The following PCDHGB4 variants were observed in gnomAD, a reference collection of about 807,000 sequenced individuals.
PCDHGB4 encodes protocadherin gamma subfamily B, 4, also known as protocadherin gamma-B4.
In PCDHGB4, 38 loss-of-function variants were observed where a neutral mutation model predicts 60.5. That is an observed-to-expected ratio of 0.63 (90% confidence interval 0.48 to 0.82). The LOEUF is 0.82. PCDHGB4 is among the 40% of genes least tolerant of loss of function. The pLI is 0.00. For missense variants in PCDHGB4, 1,109 were observed against 1,209.6 expected (o/e 0.92, Z 1.23); for synonymous variants, 456 against 509.7 (o/e 0.89, Z 1.42).
intron 2 of PCDHGB4, among the ~76,000 whole-genome samples, chr5:141,495,720 G>A (rs1048453188): frequency 2.6e-5 from 4 of 152,080 alleles, no homozygotes; most frequent in Non-Finnish European, 5.9e-5. Context: ...GTAACTACAC[G>A]GGACCCTTAG....
intron 1 of PCDHGB4, chr5:141,427,231 G>A (rs1561827383): frequency 2.2e-6 from 1 of 456,612 alleles, no homozygotes; most frequent in African/African-American, 2.0e-5. Flanking sequence ...TATACCATGA[G>A]AGTAGAAGCT....
At chr5:141,482,074 A>G (rs1349748840) in intron 1 of PCDHGB4, among the ~76,000 whole-genome samples, 2 of 142,830 alleles carry the variant, frequency 1.4e-5, no homozygotes, top group Non-Finnish European at 3.0e-5. Context: ...AACAAGAACA[A>G]AACTCACTCC....
chr5:141,464,200 G>C (rs1331779739), intron 1 of PCDHGB4, among the ~76,000 whole-genome samples: 1 of 149,856 alleles, frequency 6.7e-6, no homozygotes, highest in Non-Finnish European at 1.5e-5. Flanking sequence ...AGGAGGCGGA[G>C]ATTGCAGTGA....
intron 1 of PCDHGB4, among the ~76,000 whole-genome samples, chr5:141,467,954 C>T (rs1467826790): frequency 1.3e-5 from 2 of 152,070 alleles, no homozygotes; most frequent in Admixed American, 6.6e-5. Flanking sequence ...CCACCACACC[C>T]GGCTGCCAGA....
intron 1 of PCDHGB4, among the ~76,000 whole-genome samples, chr5:141,446,325 T>G (rs1440954528): frequency 3.9e-5 from 6 of 152,124 alleles, no homozygotes; most frequent in African/African-American, 1.4e-4. Flanking sequence ...GTTTCCACAT[T>G]AAGGAACTGG....
chr5:141,399,608 C>T (rs767025311), intron 1 of PCDHGB4: 3 of 1,613,962 alleles, frequency 1.9e-6, no homozygotes, highest in Non-Finnish European at 2.5e-6. Flanking sequence ...GACCTAGAGC[C>T]TCTGGCACTG....
At chr5:141,497,956 C>T (rs2099780659) in intron 2 of PCDHGB4, among the ~76,000 whole-genome samples, 1 of 152,214 alleles carries the variant, frequency 6.6e-6, no homozygotes, top group African/African-American at 2.4e-5. Flanking sequence ...TTCTGTTGGC[C>T]AGGCAGTGTT....
Position 141,400,379 on chromosome 5 carries a change from G to C in PCDHGB4, c.2397+10098G>C, listed in dbSNP as rs759135733. 3 of 1,613,922 alleles carry C rather than the reference G, an allele frequency of 1.9e-6. No homozygotes were observed. The East Asian group carries it at 6.7e-5, about 36-fold the overall frequency. ...ACTTTGCCTTATTCCTACAACCTAT[G>C]TGTTGCACATACAGGAAAGACGGAG... On this transcript the variant is annotated intron_variant, in intron 1 of 3. Coordinates refer to ENST00000519479, the MANE Select transcript of PCDHGB4 (RefSeq NM_003736.4).
chr5:141,418,996 TG>T (rs745777250), intron 1 of PCDHGB4: 13 of 1,613,756 alleles, frequency 8.1e-6, no homozygotes, highest in Non-Finnish European at 1.1e-5. Flanking sequence ...CAGGGGAAAA[TG>T]GGGAAGTCAG....
At position 141,390,092 on chromosome 5, in the gene PCDHGB4, G is replaced by A. The variant is rs1469999630; in HGVS notation, c.2208G>A (p.Val736=). The A allele has an allele frequency of 1.9e-6, 3 of 1,613,918 alleles. No homozygotes were observed. The highest frequency in any genetic ancestry group is 2.7e-5 in the African/African-American group (2 of 74,932). Residue 736 remains valine (V), a synonymous_variant, in exon 1 of 4, where the codon GTG becomes GTA. Coordinates refer to ENST00000519479, the MANE Select transcript of PCDHGB4 (RefSeq NM_003736.4). ...GTCTCTGTGTTAAATCCGAATCCGT[G>A]GTTCCCCCCAACTACAGCGAGGGGA... ...QPGLCVKSES[V]VPPNYSEGTL... is the part of the protein sequence containing the mutation.
intron 1 of PCDHGB4, among the ~76,000 whole-genome samples, chr5:141,462,897 G>A (rs2099049236): frequency 6.6e-6 from 1 of 152,130 alleles, no homozygotes; most frequent in South Asian, 2.1e-4. Context: ...TGTTTTGGAA[G>A]GCTATTATGT....
intron 1 of PCDHGB4, chr5:141,414,643 C>G (rs765652709): frequency 1.2e-6 from 2 of 1,613,942 alleles, no homozygotes; most frequent in Non-Finnish European, 8.5e-7. Flanking sequence ...AGAGAATGCC[C>G]AGATTATTTA....
intron 1 of PCDHGB4, chr5:141,422,019 G>C: frequency 6.2e-7 from 1 of 1,610,862 alleles, no homozygotes; most frequent in Non-Finnish European, 8.5e-7. Context: ...GGGTGCTGAT[G>C]GTTAATGCAA....
Position 141,490,896 on chromosome 5 carries a change from G to A in PCDHGB4, c.2398-3911G>A. 6.2e-7 allele frequency: 1 copy of A among 1,613,938 alleles called. No homozygotes were observed. Among genetic ancestry groups the A allele is most frequent in the Non-Finnish European group, 8.5e-7 (1 of 1,179,922 alleles). ...TGCATGCCAACACATCTCTGCATGTGTTTGTCCTAGACGAGAATGATAATG... is the reference window on the plus strand; with the variant it reads ...TGCATGCCAACACATCTCTGCATGTATTTGTCCTAGACGAGAATGATAATG... On this transcript the variant is annotated intron_variant, in intron 1 of 3. Coordinates refer to ENST00000519479, the MANE Select transcript of PCDHGB4 (RefSeq NM_003736.4). This position sits in a 1 kb window ranked among gnomAD's most constrained non-coding sequence, Gnocchi z 5.4.
intron 1 of PCDHGB4, chr5:141,410,801 A>G (rs2095424401): frequency 3.4e-6 from 2 of 587,942 alleles, no homozygotes; most frequent in Admixed American, 4.2e-5. Context: ...AAGTTGCTCT[A>G]TCTTTTTGTA....
At position 141,388,351 on chromosome 5, in the gene PCDHGB4, C is replaced by A; in HGVS notation, c.467C>A (p.Ser156Tyr). 6.2e-7 allele frequency: 1 copy of A among 1,614,016 alleles called. No homozygotes were observed. Residue 156 changes from serine (S) to tyrosine (Y), a missense_variant, in exon 1 of 4, where the codon TCT (serine) becomes TAT (tyrosine). Coordinates refer to ENST00000519479, the MANE Select transcript of PCDHGB4 (RefSeq NM_003736.4). ...AQPGTRFILG[S>Y]AHDADIGSNT... is the part of the protein sequence containing the mutation. ...CCTGGCACACGATTTATATTAGGAT[C>A]TGCCCATGATGCGGATATTGGTAGC...
At chr5:141,494,902 C>A (rs2099757367) in intron 2 of PCDHGB4, 37 bp downstream of exon 2, 1 of 1,614,024 alleles carries the variant, frequency 6.2e-7, no homozygotes, top group East Asian at 2.2e-5. Context: ...CTCTTCTCTG[C>A]GGCATTTTCT....
intron 1 of PCDHGB4, among the ~76,000 whole-genome samples, chr5:141,464,723 T>A (rs1166321691): frequency 6.6e-6 from 1 of 152,156 alleles, no homozygotes; most frequent in Non-Finnish European, 1.5e-5. Flanking sequence ...TTTCATATGT[T>A]TAAAAGCCAG....
rs759346998 is a variant in PCDHGB4 at position 141,410,849 on chromosome 5, C to CTTTTTTTTTT, written c.2397+20581_2397+20590dup. ...CAGACTGAAGATATTTTGTCTTTGT[C>CTTTTTTTTTT]TTTTTTTTTTTTTTTTTTTTTTGAG... On this transcript the variant is annotated intron_variant, in intron 1 of 3. Coordinates refer to ENST00000519479, the MANE Select transcript of PCDHGB4 (RefSeq NM_003736.4). 91 of 138,162 alleles carry CTTTTTTTTTT rather than the reference C, an allele frequency of 6.6e-4. 6 individuals are homozygous for CTTTTTTTTTT. The highest frequency in any genetic ancestry group is 2.3e-3 in the African/African-American group (38 of 16,624). The allele number at this position is 138,162 out of a possible 1,614,324, so 8.6% of individuals were successfully genotyped here. A position where few individuals can be genotyped will look rare whatever the true frequency, so the allele number is the denominator to read the frequency against.
Sources: gnomAD v4.1 joint callset for allele counts (sites outside exome capture counted in the v4.1 genomes callset) on GRCh38, gnomAD v4.1.1 for gene constraint, Gnocchi (gnomAD v3.1) non-coding constraint, MANE v1.5 for transcripts, NCBI Gene and HGNC (gene_info 2026-07-23, HGNC 2026-07-21) for gene names.